The following LEMD3 variants were observed in gnomAD, a reference collection of about 807,000 sequenced individuals.
LEMD3 encodes the protein inner nuclear membrane protein Man1.
A neutral mutation model predicts 95.2 loss-of-function variants in LEMD3; 33 were observed. That is an observed-to-expected ratio of 0.35 (90% CI 0.26 to 0.46). The LOEUF (loss-of-function observed/expected upper bound fraction) is 0.46. Among genes scored for constraint, LEMD3 ranks in the 20% least tolerant of loss-of-function variants. LEMD3 has a pLI of 1.00. For missense variants in LEMD3, 1,210 were observed against 1,192.8 expected (o/e 1.01, Z -0.21); for synonymous variants, 525 against 474.6 (o/e 1.11, Z -1.38).
chr12:65,191,824 C>T (rs1295044240), intron 1 of LEMD3, among the ~76,000 whole-genome samples: 3 of 148,856 alleles, frequency 2.0e-5, no homozygotes, highest in Non-Finnish European at 4.4e-5. Context: ...ACTCAGAAGG[C>T]TGAGGCAGGA....
intron 1 of LEMD3, among the ~76,000 whole-genome samples, chr12:65,193,014 TTTTG>T (rs1007902192): frequency 6.6e-6 from 1 of 152,196 alleles, no homozygotes; most frequent in Non-Finnish European, 1.5e-5. Context: ...TACATGTTTT[TTTTG>T]TTTGTTTGTT....
At chr12:65,179,069 A>G (rs1221251020) in intron 1 of LEMD3, among the ~76,000 whole-genome samples, 1 of 152,180 alleles carries the variant, frequency 6.6e-6, no homozygotes, top group Non-Finnish European at 1.5e-5. Context: ...ACATAGAACA[A>G]TAATACAATA....
chr12:65,210,670 T>G (rs1427622019), intron 1 of LEMD3, among the ~76,000 whole-genome samples: 1 of 152,198 alleles, frequency 6.6e-6, no homozygotes, highest in Non-Finnish European at 1.5e-5. Flanking sequence ...GAGCTGGGAC[T>G]TGAACTCAGC....
At chr12:65,176,626 A>G (rs901542231) in intron 1 of LEMD3, among the ~76,000 whole-genome samples, 1 of 152,228 alleles carries the variant, frequency 6.6e-6, no homozygotes, top group Non-Finnish European at 1.5e-5. Flanking sequence ...AGTAGAATAC[A>G]GTGTTAAAGA....
intron 2 of LEMD3, among the ~76,000 whole-genome samples, chr12:65,211,758 C>T (rs943349215): frequency 1.3e-5 from 2 of 152,040 alleles, no homozygotes; most frequent in Non-Finnish European, 1.5e-5. Context: ...TTTTCAGTTG[C>T]CTTAAGTATA....
chr12:65,240,387 A>T (rs1870899543), intron 8 of LEMD3, 149 bp downstream of exon 8: 1 of 644,966 alleles, frequency 1.6e-6, no homozygotes. Context: ...TTTGTACTTT[A>T]TACTCTCTTT....
intron 1 of LEMD3, among the ~76,000 whole-genome samples, chr12:65,174,527 A>C (rs1177780311): frequency 6.6e-6 from 1 of 152,170 alleles, no homozygotes; most frequent in Non-Finnish European, 1.5e-5. Flanking sequence ...GAGATGAAGG[A>C]AACAGTGAAT....
At chr12:65,216,295 A>G (rs1413100031) in intron 3 of LEMD3, among the ~76,000 whole-genome samples, 1 of 151,856 alleles carries the variant, frequency 6.6e-6, no homozygotes, top group African/African-American at 2.4e-5. Flanking sequence ...AAATTTCTTT[A>G]TTGCATCAGT....
At chr12:65,171,279 C>T in intron 1 of LEMD3, 161 bp downstream of exon 1, 3 of 1,290,302 alleles carry the variant, frequency 2.3e-6, no homozygotes, top group Non-Finnish European at 3.2e-6. Context: ...TAAAGAACAC[C>T]ATTATCGAAA....
chr12:65,184,826 T>C (rs1434582944), intron 1 of LEMD3, among the ~76,000 whole-genome samples: 1 of 152,182 alleles, frequency 6.6e-6, no homozygotes, highest in Non-Finnish European at 1.5e-5. Flanking sequence ...AGAGGAGTTA[T>C]GGAGTTAACG....
intron 1 of LEMD3, among the ~76,000 whole-genome samples, chr12:65,178,690 T>C (rs542966484): frequency 9.2e-5 from 14 of 152,288 alleles, no homozygotes; most frequent in African/African-American, 2.2e-4. Flanking sequence ...TAGGTACTTA[T>C]CCCATTTTAT....
At chr12:65,210,719 G>A (rs1869910850) in intron 1 of LEMD3, among the ~76,000 whole-genome samples, 1 of 152,114 alleles carries the variant, frequency 6.6e-6, no homozygotes, top group Non-Finnish European at 1.5e-5. Context: ...ATGATTGTGA[G>A]GAAAACCACT....
intron 4 of LEMD3, among the ~76,000 whole-genome samples, chr12:65,233,086 A>G (rs528090704): frequency 1.3e-5 from 2 of 152,150 alleles, no homozygotes; most frequent in South Asian, 2.1e-4. Flanking sequence ...GTTAATTCTA[A>G]TTTCAGAATG....
chr12:65,236,531 A>G (rs1009061314), intron 4 of LEMD3, among the ~76,000 whole-genome samples: 1 of 149,220 alleles, frequency 6.7e-6, no homozygotes, highest in Admixed American at 6.7e-5. Flanking sequence ...AGCCTGGGTG[A>G]CAGAGCAAGA....
chr12:65,230,964 A>G (rs1870607352), intron 4 of LEMD3, among the ~76,000 whole-genome samples: 1 of 152,158 alleles, frequency 6.6e-6, no homozygotes, highest in Non-Finnish European at 1.5e-5. Context: ...GTTACATTGT[A>G]TTAAATGCTT....
intron 1 of LEMD3, among the ~76,000 whole-genome samples, chr12:65,194,060 A>C (rs574711722): frequency 6.6e-6 from 1 of 152,286 alleles, no homozygotes; most frequent in East Asian, 1.9e-4. Flanking sequence ...CCCAAGATTT[A>C]CCCAAGTTAT....
At chr12:65,213,059 A>G (rs74101734) in intron 2 of LEMD3, among the ~76,000 whole-genome samples, 5,371 of 152,172 alleles carry the variant, frequency 0.035, 309 homozygotes, top group African/African-American at 0.12. Flanking sequence ...GCACTCTGCC[A>G]CAGCCTGAGT....
chr12:65,183,924 T>C (rs1868981937), intron 1 of LEMD3, among the ~76,000 whole-genome samples: 1 of 152,104 alleles, frequency 6.6e-6, no homozygotes, highest in Non-Finnish European at 1.5e-5. Flanking sequence ...TTTAAACATG[T>C]AGAATGGAGA....
At chr12:65,232,766 G>A (rs1870666962) in intron 4 of LEMD3, among the ~76,000 whole-genome samples, 1 of 152,146 alleles carries the variant, frequency 6.6e-6, no homozygotes, top group African/African-American at 2.4e-5. Flanking sequence ...TTTTAAGTTA[G>A]ATGGTAGTGA....
Sources: allele counts gnomAD v4.1 joint callset (sites outside exome capture counted in the v4.1 genomes callset), GRCh38; gene constraint gnomAD v4.1.1; transcripts MANE v1.5; gene names NCBI Gene and HGNC (gene_info 2026-07-23, HGNC 2026-07-21).